KCNQ3: variants seen among roughly 807,000 people sequenced by gnomAD.
KCNQ3 encodes potassium voltage-gated channel subfamily KQT member 3.
KCNQ3 carries 30 observed loss-of-function variants against 92.5 expected under a neutral mutation model. That is an observed-to-expected ratio of 0.32 (90% CI 0.24 to 0.44). The LOEUF (loss-of-function observed/expected upper bound fraction) is 0.44. Ranked by LOEUF, KCNQ3 falls within the 20% of genes least tolerant of loss-of-function variation. KCNQ3 has a pLI of 1.00. For synonymous variants in KCNQ3, 450 were observed against 468.8 expected, an observed-to-expected ratio of 0.96 and a Z score of 0.52; for missense variants, 913 against 1,140.3, an observed-to-expected ratio of 0.80 and a Z score of 2.87.
intron 9 of KCNQ3, among the ~76,000 whole-genome samples, chr8:132,154,790 T>C (rs1335175533): frequency 1.3e-5 from 2 of 152,106 alleles, no homozygotes; most frequent in East Asian, 3.9e-4. Context: ...TTTCACCCAA[T>C]ATATTTTGTA....
intron 1 of KCNQ3, among the ~76,000 whole-genome samples, chr8:132,388,842 C>G (rs1304175527): frequency 6.6e-6 from 1 of 152,200 alleles, no homozygotes; most frequent in Non-Finnish European, 1.5e-5. Flanking sequence ...ACCCAAGTGT[C>G]TTACATGAAT....
At position 132,480,632 on chromosome 8, in the gene KCNQ3, C is replaced by T; in HGVS notation, c.-100G>A. ...CGAGGCGGCGGCGGCGGCTGCAAGC[C>T]CGGGAACTCCAATGCCATGATCCGC... is the stretch of plus-strand genomic sequence containing the variant. On this transcript the variant is annotated 5_prime_UTR_variant, in exon 1 of 15. Transcript: ENST00000388996. The T allele has an allele frequency of 8.6e-7, 1 of 1,164,526 alleles. No homozygotes were observed. Among genetic ancestry groups the T allele is most frequent in the Non-Finnish European group, 1.1e-6 (1 of 924,498 alleles). The allele number at this position is 1,164,526 out of a possible 1,614,324, so 72.1% of individuals were successfully genotyped here.
chr8:132,184,515 G>GT, intron 2 of KCNQ3, 148 bp from the exon 3 acceptor site: 5 of 542,140 alleles, frequency 9.2e-6, no homozygotes, highest in East Asian at 5.0e-5. Flanking sequence ...TGGGGGTGGG[G>GT]AAGGGGAACC....
chr8:132,149,293 G>A (rs549328982), intron 9 of KCNQ3, among the ~76,000 whole-genome samples: 33 of 152,352 alleles, frequency 2.2e-4, no homozygotes, highest in Non-Finnish European at 4.0e-4. Flanking sequence ...GGAGGAGCCT[G>A]GCCTCTCCTG....
intron 1 of KCNQ3, among the ~76,000 whole-genome samples, chr8:132,423,473 A>G (rs898668273): frequency 6.6e-6 from 1 of 152,226 alleles, no homozygotes; most frequent in African/African-American, 2.4e-5. Flanking sequence ...CATAGACTCA[A>G]GCCAGACTCC....
chr8:132,147,003 T>C (rs1386593359), intron 9 of KCNQ3, among the ~76,000 whole-genome samples: 1 of 152,218 alleles, frequency 6.6e-6, no homozygotes, highest in Non-Finnish European at 1.5e-5. Flanking sequence ...CATTTTATGT[T>C]ATGTGTATCT....
In KCNQ3 at chr8:132,126,991, A is replaced by T. The variant is rs149825293; in HGVS notation, c.*2271T>A. 1.7e-3 allele frequency: 266 copies of T among 152,348 alleles called. No homozygotes were observed. Among genetic ancestry groups the T allele is most frequent in the Middle Eastern group, 6.8e-3 (2 of 294 alleles). The allele number at this position is 152,348 out of a possible 1,614,324, so 9.4% of individuals were successfully genotyped here. On this transcript the variant is annotated 3_prime_UTR_variant, in exon 15 of 15. Transcript: ENST00000388996. ...TGTTGGTTTCCAGTAACTCATGTAC[A>T]TAAAGAAGAGCATAGTAACATGTTG...
intron 1 of KCNQ3, among the ~76,000 whole-genome samples, chr8:132,312,059 T>C (rs533247594): frequency 5.3e-5 from 8 of 152,186 alleles, no homozygotes; most frequent in Non-Finnish European, 1.2e-4. Context: ...TGTCGAAAAC[T>C]GCTGGCAGCC....
Position 132,129,041 on chromosome 8 carries a change from T to C in KCNQ3, c.*221A>G. On this transcript the variant is annotated 3_prime_UTR_variant, in exon 15 of 15. Transcript: ENST00000388996. The surrounding 1 kb of genome is among the most constrained non-coding windows in gnomAD (Gnocchi z 5.9). The stretch of plus-strand genomic sequence containing the variant: ...GAAGAGATTAGCGGAACCATTTATA[T>C]AGTGTAAAGTCATGCAAACCATGCT... 3 of 593,086 alleles carry C rather than the reference T, an allele frequency of 5.1e-6. No homozygotes were observed. The highest frequency in any genetic ancestry group is 9.0e-6 in the Non-Finnish European group (3 of 333,594). The allele number at this position is 593,086 out of a possible 1,614,324, so 36.7% of individuals were successfully genotyped here. A position where few individuals can be genotyped will look rare whatever the true frequency, so the allele number is the denominator to read the frequency against.
intron 1 of KCNQ3, among the ~76,000 whole-genome samples, chr8:132,376,481 T>C (rs1819612873): frequency 6.6e-6 from 1 of 152,194 alleles, no homozygotes; most frequent in South Asian, 2.1e-4. Flanking sequence ...GGGAGTTTTT[T>C]GGCAGGGAGA....
At chr8:132,447,403 GA>G in intron 1 of KCNQ3, 1 of 687,936 alleles carries the variant, frequency 1.5e-6, no homozygotes, top group Non-Finnish European at 2.5e-6. Context: ...CAAGAAAGAA[GA>G]AAAGGAAGAA....
intron 9 of KCNQ3, among the ~76,000 whole-genome samples, chr8:132,155,730 C>T (rs1025139310): frequency 9.2e-5 from 14 of 152,084 alleles, no homozygotes; most frequent in Admixed American, 5.2e-4. Flanking sequence ...GGACCTGAAG[C>T]GGCTTGGAAA....
intron 1 of KCNQ3, among the ~76,000 whole-genome samples, chr8:132,409,064 A>G (rs1242078013): frequency 6.6e-6 from 1 of 152,236 alleles, no homozygotes; most frequent in Non-Finnish European, 1.5e-5. Flanking sequence ...AATTTGTTAT[A>G]TAGCAGTAAA....
Position 132,423,663 on chromosome 8 carries a change from T to C in KCNQ3, c.386+56484A>G, listed in dbSNP as rs924922035. Among the ~76,000 whole-genome samples the C allele has an allele frequency of 2.0e-5, 3 of 152,136 alleles. No individual in the cohort carries two copies. The East Asian group carries it at 5.8e-4, about 29-fold the overall frequency. The stretch of plus-strand genomic sequence containing the variant: ...AGGCACATTTATCCCCACTGTGCAG[T>C]TGGGTAAACTGGAGTTCAGAGAGGT... On this transcript the variant is annotated intron_variant, in intron 1 of 14. Coordinates refer to ENST00000388996, the MANE Select transcript of KCNQ3 (RefSeq NM_004519.4).
At chr8:132,433,563 G>T (rs1276252026) in intron 1 of KCNQ3, among the ~76,000 whole-genome samples, 1 of 152,220 alleles carries the variant, frequency 6.6e-6, no homozygotes, top group East Asian at 1.9e-4. Context: ...CTGAATTGAT[G>T]ATTGCTTTAT....
intron 1 of KCNQ3, among the ~76,000 whole-genome samples, chr8:132,301,784 A>C (rs1817223522): frequency 6.6e-6 from 1 of 152,276 alleles, no homozygotes; most frequent in Non-Finnish European, 1.5e-5. Flanking sequence ...AGTTGCAAGC[A>C]GGGCACATTG....
chr8:132,389,226 G>A (rs1217864310), intron 1 of KCNQ3, among the ~76,000 whole-genome samples: 1 of 152,206 alleles, frequency 6.6e-6, no homozygotes, highest in Non-Finnish European at 1.5e-5. Flanking sequence ...GGAGGCTGAG[G>A]TGGTTGGATT....
At chr8:132,399,676 G>A (rs1334887252) in intron 1 of KCNQ3, among the ~76,000 whole-genome samples, 4 of 152,078 alleles carry the variant, frequency 2.6e-5, no homozygotes, top group Non-Finnish European at 4.4e-5. Context: ...AATTAGTATC[G>A]CAATACACGC....
At chr8:132,436,463 A>C (rs1459341430) in intron 1 of KCNQ3, among the ~76,000 whole-genome samples, 1 of 152,230 alleles carries the variant, frequency 6.6e-6, no homozygotes, top group Non-Finnish European at 1.5e-5. Context: ...TGAAAACAGC[A>C]GTATGTTGTT....
Sources: allele counts gnomAD v4.1 joint callset (sites outside exome capture counted in the v4.1 genomes callset), GRCh38; gene constraint gnomAD v4.1.1; non-coding constraint Gnocchi (gnomAD v3.1); transcripts MANE v1.5; gene names NCBI Gene and HGNC (gene_info 2026-07-23, HGNC 2026-07-21).